EPB41L4A: variants seen among roughly 807,000 people sequenced by gnomAD.
EPB41L4A encodes band 4.1-like protein 4A.
Under a neutral mutation model 108.6 loss-of-function variants are expected in EPB41L4A, and 100 were observed. The ratio of observed to expected loss-of-function variants is 0.92; its 90% CI spans 0.78 to 1.09. The LOEUF is 1.09. Among genes scored for constraint, EPB41L4A ranks in the 50% least tolerant of loss-of-function variants. The pLI, the probability that EPB41L4A is intolerant of heterozygous loss-of-function variation, is 0.00. For synonymous variants in EPB41L4A, 319 were observed against 289.0 expected (o/e 1.10, Z -1.05); for missense variants, 1,030 against 842.7 (o/e 1.22, Z -2.75).
chr5:112,321,438 T>C (rs986312179), intron 1 of EPB41L4A, among the ~76,000 whole-genome samples: 2 of 152,192 alleles, frequency 1.3e-5, no homozygotes, highest in African/African-American at 2.4e-5. Context: ...GATGCTCTTT[T>C]AGGGCACACA....
intron 2 of EPB41L4A, among the ~76,000 whole-genome samples, chr5:112,305,071 T>C (rs1243511691): frequency 1.3e-5 from 2 of 152,140 alleles, no homozygotes; most frequent in South Asian, 2.1e-4. Flanking sequence ...ATTTCAATTA[T>C]CTTGAAAGTC....
chr5:112,142,019 T>C (rs1220278635), downstream of EPB41L4A, among the ~76,000 whole-genome samples: 9 of 152,216 alleles, frequency 5.9e-5, no homozygotes, highest in Non-Finnish European at 1.2e-4. Flanking sequence ...CGAATTATTT[T>C]TGTAGAAGCA....
At chr5:112,262,187 C>T (rs1751539527) in intron 7 of EPB41L4A, among the ~76,000 whole-genome samples, 1 of 152,182 alleles carries the variant, frequency 6.6e-6, no homozygotes, top group East Asian at 1.9e-4. Context: ...TGAGCAACCA[C>T]GCCTGGCCTA....
At chr5:112,171,495 A>T (rs926972703) in intron 18 of EPB41L4A, among the ~76,000 whole-genome samples, 16 of 152,202 alleles carry the variant, frequency 1.1e-4, no homozygotes, top group African/African-American at 3.6e-4. Context: ...CTGGTGTTGC[A>T]TTTCTGCAAC....
chr5:112,256,233 C>T (rs1751077461), intron 9 of EPB41L4A, among the ~76,000 whole-genome samples: 1 of 152,112 alleles, frequency 6.6e-6, no homozygotes. Flanking sequence ...TAGTAAAAAA[C>T]ACGTATTCCT....
chr5:112,211,376 G>T (rs1762734613), intron 12 of EPB41L4A, among the ~76,000 whole-genome samples: 1 of 152,214 alleles, frequency 6.6e-6, no homozygotes, highest in Non-Finnish European at 1.5e-5. Context: ...GAGGTCAGGA[G>T]TTCAAGACCA....
chr5:112,213,872 T>C lies in EPB41L4A; in HGVS notation c.1088-3890A>G, dbSNP rs184026708. 1.2e-3 allele frequency among the ~76,000 whole-genome samples: 187 copies of C among 152,338 alleles called. 1 individual carries two copies. Among genetic ancestry groups the C allele is most frequent in the Non-Finnish European group, 1.8e-3 (125 of 68,030 alleles). Reference sequence around the variant, plus strand: ...CATTAGGCAATATGTTTTAGTTTTATGTCACTAAATATGTAATCTAAAAGC... The same window carrying C: ...CATTAGGCAATATGTTTTAGTTTTACGTCACTAAATATGTAATCTAAAAGC... On this transcript the variant is annotated intron_variant, in intron 12 of 22. Transcript: ENST00000261486.
intron 9 of EPB41L4A, among the ~76,000 whole-genome samples, chr5:112,244,873 G>A (rs868850503): frequency 1.3e-5 from 2 of 152,042 alleles, no homozygotes; most frequent in African/African-American, 4.8e-5. Context: ...CTTATCAAGC[G>A]CCCGTGCCCT....
chr5:112,257,145 C>T (rs1055631074), intron 9 of EPB41L4A: 7 of 152,194 alleles, frequency 4.6e-5, no homozygotes, highest in African/African-American at 1.4e-4. Context: ...AGTTAGGCCT[C>T]CATAATAATC....
intron 1 of EPB41L4A, among the ~76,000 whole-genome samples, chr5:112,366,373 G>C (rs1031137616): frequency 2.2e-4 from 34 of 152,044 alleles, no homozygotes; most frequent in African/African-American, 7.2e-4. Flanking sequence ...AGCAACTGAG[G>C]AGAGTTAATC....
At chr5:112,354,099 C>T (rs1370138318) in intron 1 of EPB41L4A, among the ~76,000 whole-genome samples, 5 of 152,174 alleles carry the variant, frequency 3.3e-5, no homozygotes, top group African/African-American at 1.2e-4. Context: ...AGCAAATAAC[C>T]TCATCTGCAA....
downstream of EPB41L4A, among the ~76,000 whole-genome samples, chr5:112,159,859 T>C: frequency 6.6e-6 from 1 of 152,224 alleles, no homozygotes; most frequent in East Asian, 1.9e-4. Flanking sequence ...ATTTAAAATA[T>C]GTTGGGTTAT....
At chr5:112,261,601 G>A (rs1751487792) in intron 7 of EPB41L4A, among the ~76,000 whole-genome samples, 3 of 149,842 alleles carry the variant, frequency 2.0e-5, no homozygotes, top group Admixed American at 1.4e-4. Context: ...TTAAAACCCG[G>A]ATCCAGAACA....
chr5:112,252,418 C>A (rs1339492415), intron 9 of EPB41L4A, among the ~76,000 whole-genome samples: 1 of 152,094 alleles, frequency 6.6e-6, no homozygotes, highest in Non-Finnish European at 1.5e-5. Flanking sequence ...ATGGCTAACA[C>A]TCAGGGTAGG....
chr5:112,353,235 ATGCTTG>A (rs1758156581), intron 1 of EPB41L4A, among the ~76,000 whole-genome samples: 1 of 149,072 alleles, frequency 6.7e-6, no homozygotes, highest in African/African-American at 2.4e-5. Flanking sequence ...GCCTGTTGGC[ATGCTTG>A]AACCAAGCAG....
chr5:112,181,247 C>T (rs144524622), intron 18 of EPB41L4A, among the ~76,000 whole-genome samples: 9,041 of 151,236 alleles, frequency 0.06, 411 homozygotes, highest in Admixed American at 0.16. Context: ...GTCAGGAGAT[C>T]GAGACCATCC....
chr5:112,260,396 A>G (rs892096708), intron 7 of EPB41L4A, among the ~76,000 whole-genome samples: 6 of 152,220 alleles, frequency 3.9e-5, no homozygotes, highest in South Asian at 2.1e-4. Flanking sequence ...CAGAAAAAAC[A>G]CAGGACTCCC....
At chr5:112,227,362 T>C (rs114041408) in intron 12 of EPB41L4A, among the ~76,000 whole-genome samples, 25 of 152,250 alleles carry the variant, frequency 1.6e-4, no homozygotes, top group Non-Finnish European at 2.1e-4. Flanking sequence ...GACAGATGGA[T>C]TCACAGTGGT....
Position 112,204,486 on chromosome 5 carries a change from C to A in EPB41L4A, c.1265G>T (p.Gly422Val), listed in dbSNP as rs145378078. 2 of 1,606,926 alleles carry A rather than the reference C, an allele frequency of 1.2e-6. No homozygotes were observed. The highest frequency in any genetic ancestry group is 8.5e-7 in the Non-Finnish European group (1 of 1,173,668). Residue 422 changes from glycine to valine, a missense_variant and splice_region_variant, in exon 15 of 23, where the codon GGA becomes GTA. Physicochemically the swap from Gly to Val is moderately radical, Grantham distance 109. Transcript: ENST00000261486. ...GCGATCACTGGGAGAATTGTAGAGT[C>A]CACTGGAGAGAAAGAAAAATGGTCA... is the stretch of plus-strand genomic sequence containing the variant. ...APWEENGPQSGLYNSPSDRTK... is the reference protein window; with the variant it reads ...APWEENGPQSVLYNSPSDRTK...
Sources: gnomAD v4.1 joint callset for allele counts (sites outside exome capture counted in the v4.1 genomes callset) on GRCh38, gnomAD v4.1.1 for gene constraint, MANE v1.5 for transcripts, NCBI Gene and HGNC (gene_info 2026-07-23, HGNC 2026-07-21) for gene names.